ADRA1B: variants seen among roughly 807,000 people sequenced by gnomAD.
The protein encoded by ADRA1B is adrenoceptor alpha 1B.
Under a neutral mutation model 17.9 loss-of-function variants are expected in ADRA1B, and 17 were observed. That is an observed-to-expected ratio of 0.95 (90% CI 0.65 to 1.42). ADRA1B has a LOEUF of 1.42. ADRA1B is among the 40% of genes most tolerant of loss of function. The pLI is 0.00. For missense variants in ADRA1B, 681 were observed against 722.1 expected, an observed-to-expected ratio of 0.94 and a Z score of 0.65; for synonymous variants, 366 against 327.6, an observed-to-expected ratio of 1.12 and a Z score of -1.27.
chr5:159,965,840 T>C (rs1434943048), intron 1 of ADRA1B, among the ~76,000 whole-genome samples: 5 of 151,954 alleles, frequency 3.3e-5, no homozygotes, highest in African/African-American at 1.2e-4. Flanking sequence ...TTTATTTATT[T>C]ATTTATTTAT....
intron 1 of ADRA1B, among the ~76,000 whole-genome samples, chr5:159,971,559 G>A (rs185731785): frequency 1.3e-4 from 20 of 152,296 alleles, no homozygotes; most frequent in Middle Eastern, 3.4e-3. Context: ...AATTGTGGGC[G>A]ATTATTGTTA....
chr5:159,971,027 C>T (rs182547587), intron 1 of ADRA1B, among the ~76,000 whole-genome samples: 2 of 152,280 alleles, frequency 1.3e-5, no homozygotes, highest in South Asian at 2.1e-4. Flanking sequence ...GTCTCAATCC[C>T]TTGGGCTCAA....
downstream of ADRA1B, among the ~76,000 whole-genome samples, chr5:159,977,713 A>G (rs1204210045): frequency 1.3e-5 from 2 of 152,198 alleles, no homozygotes; most frequent in East Asian, 3.8e-4. Context: ...TTAAGTGTCC[A>G]AGCTAATTCA....
At chr5:159,945,327 G>T (rs1385577235) in intron 1 of ADRA1B, among the ~76,000 whole-genome samples, 2 of 152,008 alleles carry the variant, frequency 1.3e-5, no homozygotes, top group Non-Finnish European at 2.9e-5. Flanking sequence ...ACTCCAGCCT[G>T]GGCAACAGAG....
rs376939619 is a variant in ADRA1B at position 159,961,618 on chromosome 5, C to T, written c.950-10261C>T. ...AGCTGAGGAGATGTGGTTTGCCTGACGGTGTAGCCAAATGCCCCTAATAAG... is the reference window on the plus strand; with the variant it reads ...AGCTGAGGAGATGTGGTTTGCCTGATGGTGTAGCCAAATGCCCCTAATAAG... On this transcript the variant is annotated intron_variant, in intron 1 of 1. Transcript: ENST00000306675. Among the ~76,000 whole-genome samples, 28 of 152,344 alleles carry T rather than the reference C, an allele frequency of 1.8e-4. No homozygotes were observed. In the East Asian group the frequency reaches 2.5e-3, roughly 14 times the overall value.
At chr5:159,882,630 G>T (rs1435931482) in intron 1 of ADRA1B, among the ~76,000 whole-genome samples, 2 of 152,182 alleles carry the variant, frequency 1.3e-5, no homozygotes. Context: ...CAAAGCGTCA[G>T]GCATTCACTA....
chr5:159,929,452 A>ATT (rs113859197), intron 1 of ADRA1B, among the ~76,000 whole-genome samples: 1 of 140,244 alleles, frequency 7.1e-6, no homozygotes, highest in East Asian at 2.1e-4. Context: ...TGGTTTTTGT[A>ATT]TTTTTTTTTT....
At chr5:159,885,828 G>A (rs1753917888) in intron 1 of ADRA1B, among the ~76,000 whole-genome samples, 1 of 152,192 alleles carries the variant, frequency 6.6e-6, no homozygotes. Context: ...GCCAGCCTTT[G>A]TACTTGTAAC....
the ADRA1B span, among the ~76,000 whole-genome samples, chr5:159,978,022 T>G: frequency 6.6e-6 from 1 of 152,196 alleles, no homozygotes; most frequent in Admixed American, 6.5e-5. Flanking sequence ...CTGCCAACAC[T>G]GTCCAGCACT....
At chr5:159,891,099 A>G (rs570439580) in intron 1 of ADRA1B, among the ~76,000 whole-genome samples, 11 of 152,304 alleles carry the variant, frequency 7.2e-5, no homozygotes, top group African/African-American at 2.6e-4. Flanking sequence ...AGTGAGTTCC[A>G]GATGGTCTTC....
intron 1 of ADRA1B, among the ~76,000 whole-genome samples, chr5:159,920,155 G>T (rs1434626173): frequency 6.6e-6 from 1 of 152,184 alleles, no homozygotes; most frequent in Non-Finnish European, 1.5e-5. Context: ...CCCACCAGGT[G>T]ATTCTGAAGA....
chr5:159,965,231 A>T (rs1755751930), intron 1 of ADRA1B, among the ~76,000 whole-genome samples: 1 of 152,166 alleles, frequency 6.6e-6, no homozygotes. Context: ...CTGGCCCTCC[A>T]TTAAGGAAGG....
At position 159,972,612 on chromosome 5, in the gene ADRA1B, G is replaced by C. The variant is rs1393138688; in HGVS notation, c.*120G>C. ...GTAGACGCGCGCCCCAAGGGGAACC[G>C]GGGGGAGGGCCGGGGAGAGGGGCAG... On this transcript the variant is annotated 3_prime_UTR_variant, in exon 2 of 2. Transcript: ENST00000306675. The C allele has an allele frequency of 1.2e-5, 12 of 962,030 alleles. No homozygotes were observed. The highest frequency in any genetic ancestry group is 7.8e-5 in the South Asian group (3 of 38,292). 59.6% of individuals were successfully genotyped at this position (962,030 alleles called of 1,614,324 possible). A position where few individuals can be genotyped will look rare whatever the true frequency, so the allele number is the denominator to read the frequency against.
chr5:159,956,877 G>C (rs190484512), intron 1 of ADRA1B, among the ~76,000 whole-genome samples: 108 of 152,028 alleles, frequency 7.1e-4, no homozygotes, highest in African/African-American at 2.6e-3. Context: ...TTAATATTTT[G>C]CTTTTTTTTT....
intron 1 of ADRA1B, among the ~76,000 whole-genome samples, chr5:159,939,276 A>AGT (rs1755043102): frequency 2.8e-5 from 2 of 71,914 alleles, no homozygotes; most frequent in African/African-American, 1.3e-4. Context: ...AGAGAGAGAG[A>AGT]GAGTGTGTGT....
chr5:159,873,570 T>C (rs907111936), intron 1 of ADRA1B, among the ~76,000 whole-genome samples: 3 of 152,172 alleles, frequency 2.0e-5, no homozygotes, highest in Admixed American at 2.0e-4. Context: ...CTGTTTCCTC[T>C]CCCTTCCCCA....
At chr5:159,973,114 T>C (rs13155515), downstream of ADRA1B, among the ~76,000 whole-genome samples, 2,974 of 152,284 alleles carry the variant, frequency 0.02, 45 homozygotes, top group Middle Eastern at 0.079. Flanking sequence ...GTCCTTCGCT[T>C]TCCATTCCCC....
chr5:159,881,636 G>A (rs904079660), intron 1 of ADRA1B, among the ~76,000 whole-genome samples: 1 of 152,150 alleles, frequency 6.6e-6, no homozygotes, highest in Non-Finnish European at 1.5e-5. Flanking sequence ...AAATGTGGCT[G>A]TATTAGGCAT....
chr5:159,877,196 A>C (rs1033575560), intron 1 of ADRA1B, among the ~76,000 whole-genome samples: 3 of 152,014 alleles, frequency 2.0e-5, no homozygotes, highest in African/African-American at 7.3e-5. Flanking sequence ...AAAAACACTT[A>C]GCAAATAAAG....
Sources: allele counts gnomAD v4.1 joint callset (sites outside exome capture counted in the v4.1 genomes callset), GRCh38; gene constraint gnomAD v4.1.1; transcripts MANE v1.5; gene names NCBI Gene and HGNC (gene_info 2026-07-23, HGNC 2026-07-21).